NSD1: variants seen among roughly 807,000 people sequenced by gnomAD.
The protein encoded by NSD1 is nuclear receptor binding SET domain protein 1, also known as histone-lysine N-methyltransferase, H3 lysine-36 specific.
NSD1 carries 26 observed loss-of-function variants against 242.7 expected under a neutral mutation model. The ratio of observed to expected loss-of-function variants is 0.11; its 90% CI spans 0.08 to 0.15. NSD1 has a LOEUF of 0.15. Ranked by LOEUF, NSD1 falls within the 10% of genes least tolerant of loss-of-function variation. The pLI, the probability that NSD1 is intolerant of heterozygous loss-of-function variation, is 1.00. For missense variants in NSD1, 2,495 were observed against 3,272.8 expected, an observed-to-expected ratio of 0.76 and a Z score of 5.80; for synonymous variants, 1,106 against 1,178.1, an observed-to-expected ratio of 0.94 and a Z score of 1.25.
chr5:177,215,866 A>C (rs560785418), intron 5 of NSD1, among the ~76,000 whole-genome samples: 1 of 151,962 alleles, frequency 6.6e-6, no homozygotes, highest in Non-Finnish European at 1.5e-5. Flanking sequence ...TTGTCCATAT[A>C]CATATGTTTT....
chr5:177,207,072 G>A (rs1762929923), intron 4 of NSD1, among the ~76,000 whole-genome samples: 1 of 151,996 alleles, frequency 6.6e-6, no homozygotes, highest in African/African-American at 2.4e-5. Context: ...AAGTAGCTGA[G>A]ATTACAGGCT....
Position 177,296,663 on chromosome 5 carries a change from G to T in NSD1, c.*1204G>T. 4.3e-6 allele frequency: 1 copy of T among 233,350 alleles called. No homozygotes were observed. 14.5% of individuals were successfully genotyped at this position (233,350 alleles called of 1,614,324 possible). On this transcript the variant is annotated 3_prime_UTR_variant, in exon 23 of 23. Transcript: ENST00000439151. ...AAGCCAGAACCCTTCCCTGAAGACT[G>T]GCAAGAGGTGGTGTTTAGAGCAACG...
At chr5:177,149,456 G>C (rs1757527632) in intron 2 of NSD1, among the ~76,000 whole-genome samples, 1 of 152,086 alleles carries the variant, frequency 6.6e-6, no homozygotes, top group South Asian at 2.1e-4. Flanking sequence ...CTGACCTCAG[G>C]TGAGCTGCCC....
rs374046740 is a variant in NSD1 at position 177,195,953 on chromosome 5, T to G, written c.1063+3934T>G. Among the ~76,000 whole-genome samples the G allele has an allele frequency of 7.9e-5, 12 of 152,274 alleles. No homozygotes were observed. In the East Asian group the frequency reaches 1.7e-3, roughly 22 times the overall value. On this transcript the variant is annotated intron_variant, in intron 3 of 22. Transcript: ENST00000439151. ...TAAGGGACAAGACACCAGAAAATAA[T>G]CAAATGCATTATTACTTAACTGAGA...
intron 2 of NSD1, among the ~76,000 whole-genome samples, chr5:177,164,047 T>G (rs1758970486): frequency 6.6e-6 from 1 of 152,158 alleles, no homozygotes; most frequent in Admixed American, 6.6e-5. Context: ...TTTGATTACT[T>G]GTATTTCTGG....
chr5:177,239,459 A>C (rs1389950006), intron 7 of NSD1, among the ~76,000 whole-genome samples: 1 of 152,184 alleles, frequency 6.6e-6, no homozygotes, highest in African/African-American at 2.4e-5. Flanking sequence ...TATCCTCACC[A>C]ACAATCAGTT....
At position 177,210,921 on chromosome 5, in the gene NSD1, A is replaced by G. The variant is rs1302325754; in HGVS notation, c.2522A>G (p.Asn841Ser). ...GKVDGLKLLN[N>S]MHEKTRDSSD... is the part of the protein sequence containing the mutation. ...GTGGATGGTCTAAAACTACTGAACAATATGCATGAGAAAACCAGGGATTCA... is the reference window on the plus strand; with the variant it reads ...GTGGATGGTCTAAAACTACTGAACAGTATGCATGAGAAAACCAGGGATTCA... The change falls in exon 5 of 23, where the codon AAT (asparagine) becomes AGT (serine). Residue 841 changes from asparagine to serine, a missense_variant. By Grantham distance (46) the Asn-to-Ser change is conservative (BLOSUM62 1). This residue lies in a region of NSD1 where 121 missense variants were observed against 167.2 expected (regional missense o/e 0.72). Transcript: ENST00000439151. The G allele has an allele frequency of 5.0e-6, 8 of 1,614,190 alleles. No individual in the cohort carries two copies. Among genetic ancestry groups the G allele is most frequent in the South Asian group, 1.1e-5 (1 of 91,088 alleles).
rs546731755 is a variant in NSD1 at position 177,297,036 on chromosome 5, A to T, written c.*1577A>T. On this transcript the variant is annotated 3_prime_UTR_variant, in exon 23 of 23. Coordinates refer to ENST00000439151, the MANE Select transcript of NSD1 (RefSeq NM_022455.5). ...GTTCTTATTGAGGTTACTCCCATCAATTCCACGGAGGGAACAGTAGTTATT... is the reference window on the plus strand; with the variant it reads ...GTTCTTATTGAGGTTACTCCCATCATTTCCACGGAGGGAACAGTAGTTATT... The T allele has an allele frequency of 4.3e-6, 1 of 233,252 alleles. No individual in the cohort carries two copies. Among genetic ancestry groups the T allele is most frequent in the East Asian group, 6.0e-5 (1 of 16,592 alleles). The allele number at this position is 233,252 out of a possible 1,614,324, so 14.4% of individuals were successfully genotyped here.
chr5:177,135,546 A>C lies in NSD1; in HGVS notation c.443A>C (p.Asn148Thr), dbSNP rs1322670903. Residue 148 changes from asparagine (N) to threonine (T), a missense_variant, in exon 2 of 23, where the codon AAT (asparagine) becomes ACT (threonine). Asn to Thr is a moderately conservative substitution (Grantham distance 65). Around this residue, in one of 19 missense-constraint regions of NSD1, gnomAD observed 376 missense variants for 367.4 expected, o/e 1.02. Transcript: ENST00000439151. ...GTAAAAGTAACAAAGACTATCAAGA[A>C]TGGCTTTCTGCACTTTGAGAATTTT... ...LQVKVTKTIKNGFLHFENFTC... is the reference protein window; with the variant it reads ...LQVKVTKTIKTGFLHFENFTC... 6.2e-7 allele frequency: 1 copy of C among 1,614,202 alleles called. No homozygotes were observed. Among genetic ancestry groups the C allele is most frequent in the Non-Finnish European group, 8.5e-7 (1 of 1,180,042 alleles).
chr5:177,152,224 T>A (rs1757769491), intron 2 of NSD1, among the ~76,000 whole-genome samples: 1 of 152,010 alleles, frequency 6.6e-6, no homozygotes, highest in African/African-American at 2.4e-5. Context: ...TAGGCTAGTC[T>A]TTAATTCTTG....
intron 4 of NSD1, among the ~76,000 whole-genome samples, chr5:177,205,999 A>T (rs1381175776): frequency 2.0e-5 from 3 of 151,662 alleles, no homozygotes; most frequent in African/African-American, 7.3e-5. Context: ...ATTTTTATTT[A>T]TTATTATTAT....
intron 3 of NSD1, among the ~76,000 whole-genome samples, chr5:177,196,852 T>TCCCC (rs1353056117): frequency 1.3e-5 from 2 of 152,302 alleles, no homozygotes; most frequent in East Asian, 3.9e-4. Context: ...TAGAGTACAG[T>TCCCC]AGTATGTACT....
At chr5:177,255,014 G>A (rs1050635762) in intron 12 of NSD1, among the ~76,000 whole-genome samples, 5 of 152,040 alleles carry the variant, frequency 3.3e-5, no homozygotes, top group African/African-American at 7.2e-5. Context: ...TCATTGTTTA[G>A]ATTGCTTAGG....
chr5:177,152,252 T>C (rs1356710301), intron 2 of NSD1, among the ~76,000 whole-genome samples: 1 of 152,004 alleles, frequency 6.6e-6, no homozygotes, highest in African/African-American at 2.4e-5. Context: ...GTGGTCCTCC[T>C]GCCTCGGCCT....
intron 5 of NSD1, among the ~76,000 whole-genome samples, chr5:177,231,877 A>G (rs1765086202): frequency 6.6e-6 from 1 of 152,126 alleles, no homozygotes; most frequent in Non-Finnish European, 1.5e-5. Context: ...TGGGATAATG[A>G]CATATAATCA....
intron 2 of NSD1, among the ~76,000 whole-genome samples, chr5:177,162,054 T>C (rs916682263): frequency 6.6e-6 from 1 of 151,996 alleles, no homozygotes; most frequent in African/African-American, 2.4e-5. Flanking sequence ...TTTCAGCACT[T>C]TGGGAGGCTG....
At chr5:177,250,659 A>G (rs1755865525) in intron 11 of NSD1, among the ~76,000 whole-genome samples, 1 of 151,950 alleles carries the variant, frequency 6.6e-6, no homozygotes, top group South Asian at 2.1e-4. Context: ...ATATGTGAAT[A>G]GTAGATAATG....
intron 2 of NSD1, among the ~76,000 whole-genome samples, chr5:177,160,723 C>T (rs1758681401): frequency 6.6e-6 from 1 of 152,060 alleles, no homozygotes; most frequent in African/African-American, 2.4e-5. Flanking sequence ...TTATTTGTCA[C>T]TCAGTTGTTT....
upstream of NSD1, among the ~76,000 whole-genome samples, chr5:177,132,824 A>C (rs917134148): frequency 5.2e-5 from 2 of 38,330 alleles, no homozygotes; most frequent in Non-Finnish European, 1.2e-4. The surrounding 1 kb of genome is among the most constrained non-coding windows in gnomAD (Gnocchi z 7.5). Flanking sequence ...GGGGAAGGGA[A>C]GGGGTGGTGG....
Sources: allele counts gnomAD v4.1 joint callset (sites outside exome capture counted in the v4.1 genomes callset), GRCh38; gene constraint gnomAD v4.1.1; regional missense constraint gnomAD v4.1.1; non-coding constraint Gnocchi (gnomAD v3.1); transcripts MANE v1.5; gene names NCBI Gene and HGNC (gene_info 2026-07-23, HGNC 2026-07-21).